Variants in HKDC1 observed in about 807,000 individuals in gnomAD.
HKDC1 encodes the protein hexokinase HKDC1.
In HKDC1, 66 loss-of-function variants were observed where a neutral mutation model predicts 96.6. The observed-to-expected ratio is 0.68, with a 90% CI of 0.56 to 0.84. The LOEUF is 0.84. HKDC1 is among the 40% of genes least tolerant of loss of function. The pLI, the probability that HKDC1 is intolerant of heterozygous loss-of-function variation, is 0.00. For missense variants in HKDC1, 1,211 were observed against 1,208.1 expected, an observed-to-expected ratio of 1.00 and a Z score of -0.04; for synonymous variants, 466 against 473.1, an observed-to-expected ratio of 0.98 and a Z score of 0.20.
chr10:69,224,863 G>T (rs1843123190), intron 1 of HKDC1, among the ~76,000 whole-genome samples: 1 of 152,168 alleles, frequency 6.6e-6, no homozygotes, highest in Admixed American at 6.5e-5. Flanking sequence ...CTCCAAAAGT[G>T]GGCTTGGTTT....
rs963768649 is a variant in HKDC1 at position 69,265,345 on chromosome 10, G to A, written c.2373-240G>A. The A allele has an allele frequency of 7.6e-6, 4 of 528,184 alleles. No homozygotes were observed. In the African/African-American group the frequency reaches 7.7e-5, roughly 10 times the overall value. 32.7% of individuals were successfully genotyped at this position (528,184 alleles called of 1,614,324 possible). Reference sequence around the variant, plus strand: ...TGGCTTCTAGTGAGATCACAGATATGAACATGCTGAACACCAGAGGCATTC... The same window carrying A: ...TGGCTTCTAGTGAGATCACAGATATAAACATGCTGAACACCAGAGGCATTC... On this transcript the variant is annotated intron_variant, in intron 16 of 17. Transcript: ENST00000354624.
At chr10:69,256,259 G>C (rs1415077060) in intron 12 of HKDC1, among the ~76,000 whole-genome samples, 1 of 152,090 alleles carries the variant, frequency 6.6e-6, no homozygotes, top group Non-Finnish European at 1.5e-5. Flanking sequence ...ATTCTTTATG[G>C]GTGTATATCA....
In HKDC1 at chr10:69,248,773, C is replaced by A. The variant is rs745950631; in HGVS notation, c.1570+45C>A. ...CTCTCTGAACAGCCATCCAGGGCTC[C>A]CGTCAAAACTCCTTAAAGCCAGTGA... On this transcript the variant is annotated intron_variant, in intron 10 of 17. Coordinates refer to ENST00000354624, the MANE Select transcript of HKDC1 (RefSeq NM_025130.4). 3 of 1,509,002 alleles carry A rather than the reference C, an allele frequency of 2.0e-6. No homozygotes were observed. In the East Asian group the frequency reaches 7.0e-5, roughly 35 times the overall value. The allele number at this position is 1,509,002 out of a possible 1,614,324, so 93.5% of individuals were successfully genotyped here. A position where few individuals can be genotyped will look rare whatever the true frequency, so the allele number is the denominator to read the frequency against.
At chr10:69,266,140 G>A (rs1843894448) in intron 17 of HKDC1, among the ~76,000 whole-genome samples, 1 of 152,206 alleles carries the variant, frequency 6.6e-6, no homozygotes, top group African/African-American at 2.4e-5. Context: ...CACATGTAAA[G>A]TGCTTCACAC....
At position 69,257,424 on chromosome 10, in the gene HKDC1, C is replaced by T; in HGVS notation, c.2030C>T (p.Ala677Val). Residue 677 changes from alanine to valine, a missense_variant and splice_region_variant, in exon 14 of 18, where the codon GCA becomes GTA. Ala to Val is a moderately conservative substitution (Grantham distance 64). Transcript: ENST00000354624. ...CCTAATTGTGAGATTGGCCTGATTG[C>T]AGGTAGGTGGTCAGGCATGGCCCAT... ...EDPNCEIGLI[A>V]GTGSNMCYME... The T allele has an allele frequency of 1.2e-6, 2 of 1,608,814 alleles. No homozygotes were observed. The highest frequency in any genetic ancestry group is 1.3e-5 in the African/African-American group (1 of 74,940).
At chr10:69,224,357 C>T (rs1045733917) in intron 1 of HKDC1, among the ~76,000 whole-genome samples, 1 of 152,114 alleles carries the variant, frequency 6.6e-6, no homozygotes, top group African/African-American at 2.4e-5. Context: ...GATCTCGGCT[C>T]ACTGCCAGCT....
chr10:69,249,778 C>A (rs1843607532), intron 10 of HKDC1, among the ~76,000 whole-genome samples: 1 of 152,214 alleles, frequency 6.6e-6, no homozygotes, highest in African/African-American at 2.4e-5. Context: ...GGATTACAGG[C>A]GTGAGCCACC....
intron 1 of HKDC1, chr10:69,222,801 T>G (rs1316105450): frequency 2.0e-5 from 3 of 152,180 alleles, no homozygotes; most frequent in African/African-American, 7.2e-5. Context: ...TGGGGTAGTG[T>G]GGGAGACTGG....
chr10:69,230,649 C>T (rs192958984), intron 2 of HKDC1, among the ~76,000 whole-genome samples: 5 of 152,306 alleles, frequency 3.3e-5, no homozygotes, highest in East Asian at 3.9e-4. Context: ...GGTCTCCCTC[C>T]GTTGCCCAAC....
chr10:69,237,498 T>C (rs1843381296), intron 4 of HKDC1, among the ~76,000 whole-genome samples: 1 of 152,242 alleles, frequency 6.6e-6, no homozygotes, highest in Non-Finnish European at 1.5e-5. Context: ...ACAAGTGTTA[T>C]CCTGTATCTA....
Position 69,258,835 on chromosome 10 carries a change from G to A in HKDC1, c.2092G>A (p.Gly698Ser). The change falls in exon 15 of 18, where the codon GGT becomes AGT. Residue 698 changes from glycine to serine, a missense_variant. Transcript: ENST00000354624. ...DMRNIEMVEGGEGKMCINTEW... is the reference protein window; with the variant it reads ...DMRNIEMVEGSEGKMCINTEW... ...GAGGAACATCGAGATGGTGGAGGGG[G>A]GTGAAGGGAAGATGTGCATCAATAC... is the stretch of plus-strand genomic sequence containing the variant. 1.2e-6 allele frequency: 2 copies of A among 1,614,070 alleles called. No homozygotes were observed. Among genetic ancestry groups the A allele is most frequent in the Non-Finnish European group, 1.7e-6 (2 of 1,179,978 alleles).
intron 12 of HKDC1, 102 bp downstream of exon 12, chr10:69,250,754 T>C (rs1416085653): frequency 7.4e-7 from 1 of 1,353,806 alleles, no homozygotes; most frequent in Admixed American, 1.9e-5. Flanking sequence ...TTTACAGGGA[T>C]CTTGGGTTCA....
rs60016100 is a variant in HKDC1, at chr10:69,223,578, A to ATTTT, written c.63+3102_63+3105dup. On this transcript the variant is annotated intron_variant, in intron 1 of 17. Coordinates refer to ENST00000354624, the MANE Select transcript of HKDC1 (RefSeq NM_025130.4). ...GTTGTGTAACCATTACCACAATCTA[A>ATTTT]TTTTTTTTTTTTTTTTTTTTTTTTT... Among the ~76,000 whole-genome samples the ATTTT allele has an allele frequency of 1.1e-3, 91 of 85,594 alleles. 3 individuals are homozygous for ATTTT. The highest frequency in any genetic ancestry group is 2.2e-3 in the African/African-American group (47 of 20,982). 56.2% of individuals were successfully genotyped at this position (85,594 alleles called of 152,430 possible). A position where few individuals can be genotyped will look rare whatever the true frequency, so the allele number is the denominator to read the frequency against.
intron 10 of HKDC1, 109 bp downstream of exon 10, chr10:69,248,837 T>C (rs372166636): frequency 4.0e-6 from 4 of 998,760 alleles, no homozygotes; most frequent in Non-Finnish European, 2.9e-6. Flanking sequence ...ACGTCTCTAA[T>C]GGAGGGCAAG....
chr10:69,232,850 G>C lies in HKDC1; in HGVS notation c.313G>C (p.Val105Leu). The change falls in exon 3 of 18, where the codon GTG becomes CTG. Residue 105 changes from valine to leucine, a missense_variant. Coordinates refer to ENST00000354624, the MANE Select transcript of HKDC1 (RefSeq NM_025130.4). Reference protein sequence around the residue: ...VQVAEEGKRHVQMESQFYPTP... With the variant: ...VQVAEEGKRHLQMESQFYPTP... ...AGTCGCTGAAGAGGGGAAGCGACAC[G>C]TGCAGATGGAGAGTCAGTTCTACCC... 2 of 1,614,140 alleles carry C rather than the reference G, an allele frequency of 1.2e-6. No individual in the cohort carries two copies. The highest frequency in any genetic ancestry group is 1.7e-6 in the Non-Finnish European group (2 of 1,180,038).
chr10:69,248,721 C>A lies in HKDC1; in HGVS notation c.1563C>A (p.Asp521Glu), dbSNP rs754473777. Residue 521 changes from aspartate to glutamate, a missense_variant, in exon 10 of 18, where the codon GAC (aspartate) becomes GAA (glutamate). Transcript: ENST00000354624. ...CCACCTACGTCTGCGGGCTGCCGGA[C>A]GGCACAGGTGGGCCAGCACAGCCTC... ...MLPTYVCGLP[D>E]GTEKGKFLAL... is the part of the protein sequence containing the mutation. The A allele has an allele frequency of 1.1e-5, 17 of 1,604,636 alleles. No individual in the cohort carries two copies. Among genetic ancestry groups the A allele is most frequent in the Non-Finnish European group, 1.2e-5 (14 of 1,174,136 alleles).
At chr10:69,250,139 G>A (rs949724641) in intron 10 of HKDC1, 151 bp from the exon 11 acceptor site, 6 of 773,540 alleles carry the variant, frequency 7.8e-6, no homozygotes, top group African/African-American at 5.2e-5. Context: ...CGGGGCCCGG[G>A]CACTGTGCAG....
chr10:69,230,136 CA>C (rs1843228875), intron 2 of HKDC1, among the ~76,000 whole-genome samples: 1 of 152,198 alleles, frequency 6.6e-6, no homozygotes, highest in Non-Finnish European at 1.5e-5. Context: ...GCCTTTTGGT[CA>C]GGGGGCTGCA....
intron 17 of HKDC1, 119 bp from the exon 18 acceptor site, chr10:69,266,491 G>C: frequency 2.0e-6 from 2 of 1,024,568 alleles, no homozygotes; most frequent in Non-Finnish European, 2.8e-6. Flanking sequence ...AGAAGAAGCT[G>C]TTTAGAGCCT....
Sources: gnomAD v4.1 joint callset for allele counts (sites outside exome capture counted in the v4.1 genomes callset) on GRCh38, gnomAD v4.1.1 for gene constraint, MANE v1.5 for transcripts, NCBI Gene and HGNC (gene_info 2026-07-23, HGNC 2026-07-21) for gene names.